MLKL: variants seen among roughly 807,000 people sequenced by gnomAD.
MLKL encodes the protein mixed lineage kinase domain-like protein.
Under a neutral mutation model 56.5 loss-of-function variants are expected in MLKL, and 55 were observed. The ratio of observed to expected loss-of-function variants is 0.97; its 90% CI spans 0.78 to 1.22. The LOEUF is 1.22. Among genes scored for constraint, MLKL ranks in the 50% most tolerant of loss-of-function variants. The pLI is 0.00. For synonymous variants in MLKL, 251 were observed against 208.3 expected (o/e 1.20, Z -1.76); for missense variants, 694 against 573.9 (o/e 1.21, Z -2.14).
chr16:74,690,281 T>A (rs1013610852), intron 4 of MLKL, among the ~76,000 whole-genome samples: 3 of 152,160 alleles, frequency 2.0e-5, no homozygotes, highest in Admixed American at 1.3e-4. Flanking sequence ...TAAGGGTTGG[T>A]GAGGTTGCTT....
chr16:74,677,964 G>A (rs1309381652), intron 7 of MLKL: 1 of 152,346 alleles, frequency 6.6e-6, no homozygotes, highest in Non-Finnish European at 1.5e-5. Flanking sequence ...ACAGGCGTGA[G>A]CCACCATACC....
At chr16:74,676,166 CT>C in intron 7 of MLKL, 2 of 884,406 alleles carry the variant, frequency 2.3e-6, no homozygotes, top group Non-Finnish European at 1.4e-6. Flanking sequence ...CCTGGCTCGC[CT>C]TTTCCCAAAG....
At chr16:74,679,189 A>G (rs1959789889) in intron 6 of MLKL, among the ~76,000 whole-genome samples, 1 of 152,174 alleles carries the variant, frequency 6.6e-6, no homozygotes, top group South Asian at 2.1e-4. Context: ...AGGGGGCATG[A>G]CAGCCCTTAT....
rs746526189 is a variant in MLKL, at chr16:74,675,718, C to T, written c.1085G>A (p.Gly362Glu). ...TCTGTCTGTCTTTTCTCTCGTAGTT[C>T]CCAAACTCATGGAAGTCTGTGTTTT... ...LRKTQTSMSL[G>E]TTREKTDRVK... Residue 362 changes from glycine (G) to glutamate (E), a missense_variant, in exon 8 of 11, where the codon GGA becomes GAA. Transcript: ENST00000308807. The T allele has an allele frequency of 8.1e-6, 13 of 1,614,076 alleles. No individual in the cohort carries two copies. The highest frequency in any genetic ancestry group is 7.7e-5 in the South Asian group (7 of 91,076).
chr16:74,674,653 G>A (rs1959469002), intron 10 of MLKL, among the ~76,000 whole-genome samples: 2 of 152,198 alleles, frequency 1.3e-5, no homozygotes, highest in Non-Finnish European at 2.9e-5. Context: ...ATGTTGGCCA[G>A]GCTGGTCTCA....
Position 74,692,687 on chromosome 16 carries a change from T to A in MLKL, c.461-271A>T, listed in dbSNP as rs139652386. The stretch of plus-strand genomic sequence containing the variant: ...GAGGGAGCATTTAACTGACTCTGCA[T>A]AAGGTTCCAACCTGGCTGCTTTGGA... On this transcript the variant is annotated intron_variant, in intron 2 of 10. Coordinates refer to ENST00000308807, the MANE Select transcript of MLKL (RefSeq NM_152649.4). 5.4e-3 allele frequency among the ~76,000 whole-genome samples: 826 copies of A among 152,348 alleles called. 7 individuals are homozygous for A. The highest frequency in any genetic ancestry group is 0.018 in the African/African-American group (741 of 41,582).
In MLKL at chr16:74,682,688, T is replaced by C. The variant is rs140270252; in HGVS notation, c.919A>G (p.Met307Val). 83 of 1,614,014 alleles carry C rather than the reference T, an allele frequency of 5.1e-5. No individual in the cohort carries two copies. Among genetic ancestry groups the C allele is most frequent in the Non-Finnish European group, 6.8e-5 (80 of 1,180,018 alleles). ...CGGGCTGCCCCCAGGACTAGGACCATGCGCTTGCCAAGTGTGAGGTCTTTT... is the reference window on the plus strand; with the variant it reads ...CGGGCTGCCCCCAGGACTAGGACCACGCGCTTGCCAAGTGTGAGGTCTTTT... The part of the protein sequence containing the change: ...REKDLTLGKR[M>V]VLVLGAARGL... Residue 307 changes from methionine (M) to valine (V), a missense_variant, in exon 6 of 11, where the codon ATG (methionine) becomes GTG (valine). Physicochemically the swap from Met to Val is conservative, Grantham distance 21. Transcript: ENST00000308807.
At chr16:74,682,821 C>A in intron 5 of MLKL, 35 bp from the exon 6 acceptor site, 1 of 1,611,342 alleles carries the variant, frequency 6.2e-7, no homozygotes, top group Non-Finnish European at 8.5e-7. Context: ...TGAGGACCCG[C>A]CCTACTTGAA....
chr16:74,674,597 A>G (rs969867746), intron 10 of MLKL, among the ~76,000 whole-genome samples: 3 of 151,848 alleles, frequency 2.0e-5, no homozygotes, highest in Non-Finnish European at 4.4e-5. Flanking sequence ...GATTACAGGC[A>G]TGTACCACCA....
At chr16:74,674,706 G>C (rs1358183518) in intron 10 of MLKL, among the ~76,000 whole-genome samples, 1 of 152,016 alleles carries the variant, frequency 6.6e-6, no homozygotes, top group Non-Finnish European at 1.5e-5. Flanking sequence ...GCCTCCCAAA[G>C]GGCTAGAATT....
At chr16:74,690,724 A>G (rs1047988670) in intron 4 of MLKL, among the ~76,000 whole-genome samples, 23 of 143,874 alleles carry the variant, frequency 1.6e-4, no homozygotes, top group Admixed American at 9.0e-4. Context: ...TAAGGCTGCA[A>G]TGAGCTATGA....
At chr16:74,693,467 AAGAAAAG>A (rs1960807926) in intron 2 of MLKL, among the ~76,000 whole-genome samples, 1 of 67,748 alleles carries the variant, frequency 1.5e-5, no homozygotes, top group African/African-American at 6.7e-5. Flanking sequence ...AAAAAAAAAA[AAGAAAAG>A]AAAAAAGAAA....
chr16:74,674,418 G>C (rs1414487934), intron 10 of MLKL, among the ~76,000 whole-genome samples: 2 of 151,830 alleles, frequency 1.3e-5, no homozygotes, highest in South Asian at 4.1e-4. Flanking sequence ...CTCGCAAAAT[G>C]TTGGGATTAT....
chr16:74,681,087 C>CA (rs1959936744), intron 6 of MLKL, among the ~76,000 whole-genome samples: 1 of 152,084 alleles, frequency 6.6e-6, no homozygotes, highest in African/African-American at 2.4e-5. Context: ...TGCAGTGGTA[C>CA]GATATCAGTT....
chr16:74,675,139 G>C (rs962014307), intron 9 of MLKL, 39 bp from the exon 10 acceptor site: 6 of 1,609,726 alleles, frequency 3.7e-6, no homozygotes, highest in Non-Finnish European at 5.1e-6. Context: ...AAATTGCTCC[G>C]CTACTCGTAC....
intron 9 of MLKL, 36 bp from the exon 10 acceptor site, chr16:74,675,136 T>C (rs749137951): frequency 3.1e-6 from 5 of 1,610,668 alleles, no homozygotes; most frequent in Non-Finnish European, 4.2e-6. Flanking sequence ...AAAAAATTGC[T>C]CCGCTACTCG....
At chr16:74,687,846 G>A (rs968149296) in intron 4 of MLKL, among the ~76,000 whole-genome samples, 7 of 144,168 alleles carry the variant, frequency 4.9e-5, no homozygotes, top group Admixed American at 1.4e-4. Context: ...TTTTTTTTGC[G>A]ATGGAGTCTT....
intron 6 of MLKL, among the ~76,000 whole-genome samples, chr16:74,680,468 C>T (rs930669428): frequency 6.6e-6 from 1 of 151,896 alleles, no homozygotes; most frequent in Non-Finnish European, 1.5e-5. Context: ...AGAAAGTCTG[C>T]GTTTGGTATT....
chr16:74,693,167 G>C lies in MLKL; in HGVS notation c.461-751C>G, dbSNP rs117910667. Among the ~76,000 whole-genome samples the C allele has an allele frequency of 5.6e-3, 849 of 152,202 alleles. 19 individuals carry two copies. Among genetic ancestry groups the C allele is most frequent in the Admixed American group, 0.041 (624 of 15,280 alleles). Reference sequence around the variant, plus strand: ...TGGGAATTTCTCATAAAGATATCTTGAAATAGGCCAGGCGTGGTGGCTCAT... The same window carrying C: ...TGGGAATTTCTCATAAAGATATCTTCAAATAGGCCAGGCGTGGTGGCTCAT... On this transcript the variant is annotated intron_variant, in intron 2 of 10. Transcript: ENST00000308807.
Sources: gnomAD v4.1 joint callset for allele counts (sites outside exome capture counted in the v4.1 genomes callset) on GRCh38, gnomAD v4.1.1 for gene constraint, MANE v1.5 for transcripts, NCBI Gene and HGNC (gene_info 2026-07-23, HGNC 2026-07-21) for gene names.